Variants in CRPPA observed in about 807,000 individuals in gnomAD.
CRPPA encodes CDP-L-ribitol pyrophosphorylase A.
In CRPPA, 43 loss-of-function variants were observed where a neutral mutation model predicts 52.0. The ratio of observed to expected loss-of-function variants is 0.83; its 90% CI spans 0.65 to 1.07. CRPPA has a LOEUF of 1.07. CRPPA is among the 50% of genes least tolerant of loss of function. The probability of loss-of-function intolerance (pLI) is 0.00; values close to 1 mark genes in which losing one functional copy is unlikely to be tolerated. For missense variants in CRPPA, 629 were observed against 551.7 expected (o/e 1.14, Z -1.40); for synonymous variants, 250 against 203.5 (o/e 1.23, Z -1.94).
intron 2 of CRPPA, among the ~76,000 whole-genome samples, chr7:16,395,884 T>A (rs1389262902): frequency 1.3e-5 from 2 of 152,206 alleles, no homozygotes; most frequent in African/African-American, 4.8e-5. Context: ...AAGTGGGTAA[T>A]TTGAAATAAT....
intron 9 of CRPPA, among the ~76,000 whole-genome samples, chr7:16,146,441 A>T (rs1782976189): frequency 1.3e-5 from 2 of 152,180 alleles, no homozygotes; most frequent in African/African-American, 4.8e-5. Flanking sequence ...GAAAGTATAA[A>T]ACTCACTGGT....
chr7:16,245,375 A>T (rs541532809), intron 8 of CRPPA, among the ~76,000 whole-genome samples: 1 of 152,290 alleles, frequency 6.6e-6, no homozygotes, highest in East Asian at 1.9e-4. Flanking sequence ...CCAAATTTTC[A>T]TTAATAGGAA....
chr7:16,161,908 T>A (rs1780902352), intron 9 of CRPPA, among the ~76,000 whole-genome samples: 1 of 152,174 alleles, frequency 6.6e-6, no homozygotes, highest in Non-Finnish European at 1.5e-5. Context: ...CCTGGTTTAG[T>A]CTTGGGAGGG....
intron 2 of CRPPA, among the ~76,000 whole-genome samples, chr7:16,404,013 A>G (rs1029858525): frequency 1.5e-4 from 23 of 152,202 alleles, no homozygotes; most frequent in African/African-American, 5.1e-4. Flanking sequence ...ATACCTTTTT[A>G]CTTTGTATAA....
chr7:16,313,187 C>G (rs1785070138), intron 3 of CRPPA, among the ~76,000 whole-genome samples: 1 of 151,782 alleles, frequency 6.6e-6, no homozygotes, highest in Non-Finnish European at 1.5e-5. Context: ...ACCAGTGAAC[C>G]CACCTAAGTC....
intron 8 of CRPPA, among the ~76,000 whole-genome samples, chr7:16,248,493 C>T (rs981622158): frequency 1.3e-5 from 2 of 152,138 alleles, no homozygotes; most frequent in Non-Finnish European, 2.9e-5. Context: ...AAGAAGTCAA[C>T]TTACAGAGAA....
intron 3 of CRPPA, among the ~76,000 whole-genome samples, chr7:16,326,455 C>T (rs1459109367): frequency 6.6e-6 from 1 of 152,168 alleles, no homozygotes; most frequent in Non-Finnish European, 1.5e-5. Context: ...TCAAAGAGCT[C>T]TGTTCCTCTA....
At chr7:16,179,359 G>T (rs1443084091) in intron 9 of CRPPA, among the ~76,000 whole-genome samples, 2 of 152,080 alleles carry the variant, frequency 1.3e-5, no homozygotes, top group Non-Finnish European at 2.9e-5. Context: ...TGAAAATGTT[G>T]TCACGCACAG....
chr7:16,316,199 C>G (rs1562627066), intron 3 of CRPPA, among the ~76,000 whole-genome samples: 1 of 152,004 alleles, frequency 6.6e-6, no homozygotes, highest in South Asian at 2.1e-4. Context: ...AAGATGATAG[C>G]TGTGCAGGTG....
chr7:16,213,686 T>C, intron 9 of CRPPA, among the ~76,000 whole-genome samples: 1 of 151,458 alleles, frequency 6.6e-6, no homozygotes, highest in East Asian at 1.9e-4. Context: ...GAGGTGGAGG[T>C]TGCAATGAGC....
At chr7:16,300,094 T>C (rs1028601327) in intron 5 of CRPPA, among the ~76,000 whole-genome samples, 2 of 152,212 alleles carry the variant, frequency 1.3e-5, no homozygotes, top group African/African-American at 4.8e-5. Context: ...TGTCAAGATT[T>C]TGATTTATAG....
At chr7:16,239,502 T>G (rs1305066791) in intron 8 of CRPPA, among the ~76,000 whole-genome samples, 1 of 125,286 alleles carries the variant, frequency 8.0e-6, no homozygotes, top group Non-Finnish European at 1.6e-5. Context: ...TGTAAAGAAA[T>G]AGCATGTGAG....
chr7:16,177,292 A>G (rs534786741), intron 9 of CRPPA, among the ~76,000 whole-genome samples: 1 of 152,258 alleles, frequency 6.6e-6, no homozygotes, highest in South Asian at 2.1e-4. Context: ...AGATTATTAT[A>G]TGTGAGTTTT....
At chr7:16,315,203 C>T (rs559105281) in intron 3 of CRPPA, among the ~76,000 whole-genome samples, 2 of 152,174 alleles carry the variant, frequency 1.3e-5, no homozygotes, top group East Asian at 3.9e-4. Context: ...TTCTGATCTC[C>T]AGCATTTCTT....
At chr7:16,208,776 T>C (rs367568181) in intron 9 of CRPPA, among the ~76,000 whole-genome samples, 5 of 152,210 alleles carry the variant, frequency 3.3e-5, no homozygotes, top group Non-Finnish European at 7.3e-5. Context: ...TCCAGGTATA[T>C]GAATTCCTTG....
chr7:16,105,628 C>A, intron 9 of CRPPA, among the ~76,000 whole-genome samples: 1 of 152,130 alleles, frequency 6.6e-6, no homozygotes, highest in Admixed American at 6.5e-5. Flanking sequence ...CTGATGGTAT[C>A]CAATTGCAGA....
At chr7:16,361,512 A>G (rs1786442119) in intron 3 of CRPPA, among the ~76,000 whole-genome samples, 1 of 152,220 alleles carries the variant, frequency 6.6e-6, no homozygotes, top group South Asian at 2.1e-4. Context: ...TGTACATACA[A>G]TGGAATGTTA....
rs539676189 is a variant in CRPPA, at chr7:16,351,343, C to T, written c.684+24749G>A. Among the ~76,000 whole-genome samples, 7 of 152,042 alleles carry T rather than the reference C, an allele frequency of 4.6e-5. No individual in the cohort carries two copies. The South Asian group carries it at 1.0e-3, about 23-fold the overall frequency. ...CCTAGGTAATACCATTCAGGACATA[C>T]GCATGGGCAAAGACTTCATGACTAA... On this transcript the variant is annotated intron_variant, in intron 3 of 9. Coordinates refer to ENST00000407010, the MANE Select transcript of CRPPA (RefSeq NM_001101426.4).
In CRPPA at chr7:16,182,108, C is replaced by T. The variant is rs139453674; in HGVS notation, c.1251+33958G>A. ...ATATGTAATACGTAGTCTGCATTTG[C>T]TTTATAAAATATCTCTTTGCATCTG... is the stretch of plus-strand genomic sequence containing the variant. On this transcript the variant is annotated intron_variant, in intron 9 of 9. Coordinates refer to ENST00000407010, the MANE Select transcript of CRPPA (RefSeq NM_001101426.4). Among the ~76,000 whole-genome samples the T allele has an allele frequency of 7.4e-3, 1,127 of 152,038 alleles. 9 individuals carry two copies. The highest frequency in any genetic ancestry group is 0.014 in the Admixed American group (220 of 15,260).
Sources: allele counts gnomAD v4.1 joint callset (sites outside exome capture counted in the v4.1 genomes callset), GRCh38; gene constraint gnomAD v4.1.1; transcripts MANE v1.5; gene names NCBI Gene and HGNC (gene_info 2026-07-23, HGNC 2026-07-21).